ASPSCR1: variants seen among roughly 807,000 people sequenced by gnomAD.
ASPSCR1 encodes tether containing UBX domain for GLUT4.
ASPSCR1 carries 55 observed loss-of-function variants against 68.9 expected under a neutral mutation model. The observed-to-expected ratio is 0.80, with a 90% CI of 0.64 to 1.00. ASPSCR1 has a LOEUF of 1.00. Among genes scored for constraint, ASPSCR1 ranks in the 50% least tolerant of loss-of-function variants. The pLI is 0.00. For synonymous variants in ASPSCR1, 352 were observed against 332.6 expected, an observed-to-expected ratio of 1.06 and a Z score of -0.63; for missense variants, 765 against 762.2, an observed-to-expected ratio of 1.00 and a Z score of -0.04.
intron 2 of ASPSCR1, among the ~76,000 whole-genome samples, chr17:81,981,816 G>T (rs542418746): frequency 6.6e-6 from 1 of 151,800 alleles, no homozygotes; most frequent in Non-Finnish European, 1.5e-5. Flanking sequence ...TTACAGGCAC[G>T]TGCCACGCCT....
intron 7 of ASPSCR1, among the ~76,000 whole-genome samples, chr17:81,998,051 T>C (rs1296848865): frequency 6.6e-6 from 1 of 151,140 alleles, no homozygotes; most frequent in African/African-American, 2.4e-5. Context: ...GGTCTCGAAC[T>C]CCTGACCTCA....
intron 11 of ASPSCR1, 61 bp from the exon 12 acceptor site, chr17:82,012,170 G>A (rs1194203698): frequency 5.8e-6 from 9 of 1,556,956 alleles, no homozygotes; most frequent in Middle Eastern, 1.7e-4. Flanking sequence ...GTCTTCCTTC[G>A]GGCGCATGGA....
Position 81,996,803 on chromosome 17 carries a change from A to G in ASPSCR1, c.890A>G (p.Gln297Arg), listed in dbSNP as rs868637625. ...CAGGATCCCCAGCAGGAGCAGGAGC[A>G]GGAGCGGGAGCGGGATCCCCAGCAG... ...SGQDPQQEQE[Q>R]ERERDPQQEQ... Residue 297 changes from glutamine to arginine, a missense_variant, in exon 7 of 16, where the codon CAG becomes CGG. Physicochemically the swap from Gln to Arg is conservative, Grantham distance 43 (BLOSUM62 1). Coordinates refer to ENST00000306739, the MANE Select transcript of ASPSCR1 (RefSeq NM_024083.4). 156 of 1,607,604 alleles carry G rather than the reference A, an allele frequency of 9.7e-5. No individual in the cohort carries two copies. The highest frequency in any genetic ancestry group is 5.5e-4 in the African/African-American group (41 of 74,394).
intron 3 of ASPSCR1, among the ~76,000 whole-genome samples, chr17:81,984,800 C>T (rs1416015459): frequency 6.7e-6 from 1 of 149,012 alleles, no homozygotes; most frequent in East Asian, 2.0e-4. Flanking sequence ...CACCCCCACA[C>T]ACCCACATAC....
In ASPSCR1 at chr17:81,986,753, G is replaced by A. The variant is rs1012730900; in HGVS notation, c.374+1146G>A. Among the ~76,000 whole-genome samples, 1 of 152,230 alleles carries A rather than the reference G, an allele frequency of 6.6e-6. No homozygotes were observed. The highest frequency in any genetic ancestry group is 2.4e-5 in the African/African-American group (1 of 41,464). On this transcript the variant is annotated intron_variant, in intron 4 of 15. Coordinates refer to ENST00000306739, the MANE Select transcript of ASPSCR1 (RefSeq NM_024083.4). The surrounding 1 kb of genome is among the most constrained non-coding windows in gnomAD (Gnocchi z 5.2). ...GGAAGGTGACCGCGCGTCGGGCGCT[G>A]GGAAGGTGACTGTGCGTTGGGCGCG...
intron 7 of ASPSCR1, chr17:82,004,252 GC>G (rs1417991501): frequency 6.6e-6 from 1 of 152,316 alleles, no homozygotes; most frequent in African/African-American, 2.4e-5. Context: ...CTGTGAGGCC[GC>G]GCGCCCGCAG....
rs747131057 is a variant in ASPSCR1 at position 82,012,267 on chromosome 17, C to T, written c.1337C>T (p.Thr446Met). The T allele has an allele frequency of 5.6e-6, 9 of 1,613,418 alleles. No homozygotes were observed. In the East Asian group the frequency reaches 8.9e-5, roughly 16 times the overall value. ...TPPKTVLDDH[T>M]QTLFQANLFP... is the part of the protein sequence containing the mutation. The stretch of plus-strand genomic sequence containing the variant: ...CCAAAAACAGTCCTGGACGACCACA[C>T]GCAGACCCTCTTTCAGGTACCTGAG... The change falls in exon 12 of 16, where the codon ACG (threonine) becomes ATG (methionine). Residue 446 changes from threonine (T) to methionine (M), a missense_variant. Transcript: ENST00000306739.
chr17:81,982,647 T>C (rs978686620), intron 2 of ASPSCR1: 1 of 152,280 alleles, frequency 6.6e-6, no homozygotes, highest in African/African-American at 2.4e-5. Flanking sequence ...TCTTCACTAG[T>C]TGTCTCCGAC....
intron 3 of ASPSCR1, 51 bp from the exon 4 acceptor site, chr17:81,985,456 G>A (rs1304478758): frequency 1.3e-6 from 2 of 1,568,126 alleles, no homozygotes; most frequent in South Asian, 2.2e-5. Context: ...GATTTAGAAG[G>A]AATAGTTGCT....
chr17:81,992,038 G>A (rs1338473972), intron 4 of ASPSCR1, among the ~76,000 whole-genome samples: 3 of 152,258 alleles, frequency 2.0e-5, no homozygotes, highest in Admixed American at 6.5e-5. Context: ...GGCCCTGGCC[G>A]GGTGGGGAGC....
At position 82,017,054 on chromosome 17, in the gene ASPSCR1, G is replaced by A. The variant is rs189288473; in HGVS notation, c.1589G>A (p.Gly530Glu). Residue 530 changes from glycine to glutamate, a missense_variant, in exon 15 of 16, where the codon GGG becomes GAG. Coordinates refer to ENST00000306739, the MANE Select transcript of ASPSCR1 (RefSeq NM_024083.4). ...CTGGTCCCCCCTGAGCCCATCCCAG[G>A]GACGGCCCAGCCCGTGAAGAGGAGC... ...GALVPPEPIP[G>E]TAQPVKRSLG... 5.6e-6 allele frequency: 9 copies of A among 1,611,006 alleles called. No individual in the cohort carries two copies. Among genetic ancestry groups the A allele is most frequent in the Middle Eastern group, 1.7e-4 (1 of 5,986 alleles).
rs774678478 is a variant in ASPSCR1, at chr17:81,996,474, G to A, written c.561G>A (p.Ser187=). The A allele has an allele frequency of 2.2e-5, 35 of 1,609,964 alleles. No individual in the cohort carries two copies. Among genetic ancestry groups the A allele is most frequent in the South Asian group, 6.6e-5 (6 of 90,934 alleles). The change falls in exon 7 of 16, where the codon TCG becomes TCA. Residue 187 remains serine, a synonymous_variant. Coordinates refer to ENST00000306739, the MANE Select transcript of ASPSCR1 (RefSeq NM_024083.4). ...PVGKTPGSLG[S]SASAGQAAAS... ...GCAAGACCCCAGGAAGCCTGGGCTC[G>A]TCAGCGTCGGCTGGCCAGGCAGCCG...
At position 81,983,527 on chromosome 17, in the gene ASPSCR1, G is replaced by A; in HGVS notation, c.159-27G>A. The A allele has an allele frequency of 6.4e-7, 1 of 1,570,342 alleles. No homozygotes were observed. The highest frequency in any genetic ancestry group is 1.7e-4 in the Middle Eastern group (1 of 6,004). Reference sequence around the variant, plus strand: ...AGGGCGTGTCAGGCTCTGCAGGGCAGCAAGTGTGCTCTGGTCTGTCTTGCA... The same window carrying A: ...AGGGCGTGTCAGGCTCTGCAGGGCAACAAGTGTGCTCTGGTCTGTCTTGCA... On this transcript the variant is annotated intron_variant, in intron 2 of 15. Coordinates refer to ENST00000306739, the MANE Select transcript of ASPSCR1 (RefSeq NM_024083.4). This position sits in a 1 kb window ranked among gnomAD's most constrained non-coding sequence, Gnocchi z 4.4.
chr17:82,013,850 C>T (rs1040841750), intron 12 of ASPSCR1: 1 of 152,282 alleles, frequency 6.6e-6, no homozygotes, highest in African/African-American at 2.4e-5. Flanking sequence ...GCGTCCTGGC[C>T]CTGGGCATCA....
chr17:81,993,471 C>T (rs2042238331), intron 4 of ASPSCR1, among the ~76,000 whole-genome samples: 1 of 152,168 alleles, frequency 6.6e-6, no homozygotes, highest in Non-Finnish European at 1.5e-5. Context: ...TCTCGGCCTC[C>T]CAAAGTGCTG....
chr17:81,994,298 G>C (rs1373295703), intron 4 of ASPSCR1, among the ~76,000 whole-genome samples: 3 of 152,228 alleles, frequency 2.0e-5, no homozygotes, highest in Non-Finnish European at 4.4e-5. Flanking sequence ...GCGGGCGTGA[G>C]CGGAGTGCAG....
In ASPSCR1 at chr17:82,009,862, G is replaced by A. The variant is rs983511171; in HGVS notation, c.1170+295G>A. 3.6e-5 allele frequency: 12 copies of A among 332,138 alleles called. No homozygotes were observed. The East Asian group carries it at 6.5e-4, about 18-fold the overall frequency. The allele number at this position is 332,138 out of a possible 1,614,324, so 20.6% of individuals were successfully genotyped here. A position where few individuals can be genotyped will look rare whatever the true frequency, so the allele number is the denominator to read the frequency against. On this transcript the variant is annotated intron_variant, in intron 9 of 15. Coordinates refer to ENST00000306739, the MANE Select transcript of ASPSCR1 (RefSeq NM_024083.4). ...GAGCAGGGCCCCCCCGTGGTGGCGC[G>A]CATGCCCTTAGTGGCCAGTTGATCC...
rs116845877 is a variant in ASPSCR1, at chr17:81,985,000, C to A, written c.274-507C>A. Among the ~76,000 whole-genome samples the A allele has an allele frequency of 7.8e-3, 954 of 122,352 alleles. 11 individuals are homozygous for A. Among genetic ancestry groups the A allele is most frequent in the Middle Eastern group, 0.02 (4 of 200 alleles). The allele number at this position is 122,352 out of a possible 152,430, so 80.3% of individuals were successfully genotyped here. A position where few individuals can be genotyped will look rare whatever the true frequency, so the allele number is the denominator to read the frequency against. ...CCCACACACCTGCGTGCACACCCCC[C>A]CACACACCTGCACACACCGCCCACA... On this transcript the variant is annotated intron_variant, in intron 3 of 15. Transcript: ENST00000306739.
rs1208292098 is a variant in ASPSCR1 at position 82,017,248 on chromosome 17, GCGGGTGGC to G, written c.1649-53_1649-46del. 6 of 1,604,586 alleles carry G rather than the reference GCGGGTGGC, an allele frequency of 3.7e-6. No homozygotes were observed. The African/African-American group carries it at 5.3e-5, about 14-fold the overall frequency. The stretch of plus-strand genomic sequence containing the variant: ...CCGAGTGCTTCAGCCGGGCTGGTGG[GCGGGTGGC>G]CGGGTGGTGAGAGCCCGGGGTGTGT... On this transcript the variant is annotated intron_variant, in intron 15 of 15. Coordinates refer to ENST00000306739, the MANE Select transcript of ASPSCR1 (RefSeq NM_024083.4).
Sources: gnomAD v4.1 joint callset for allele counts (sites outside exome capture counted in the v4.1 genomes callset) on GRCh38, gnomAD v4.1.1 for gene constraint, Gnocchi (gnomAD v3.1) non-coding constraint, MANE v1.5 for transcripts, NCBI Gene and HGNC (gene_info 2026-07-23, HGNC 2026-07-21) for gene names.